The following LYPLA1 variants were observed in gnomAD, a reference collection of about 807,000 sequenced individuals.
LYPLA1 encodes the protein lysophospholipase 1, also known as acyl-protein thioesterase 1.
LYPLA1 carries 17 observed loss-of-function variants against 34.0 expected under a neutral mutation model. The observed-to-expected ratio is 0.50, with a 90% CI of 0.34 to 0.75. The LOEUF (loss-of-function observed/expected upper bound fraction) is 0.75, where lower values mean the gene tolerates loss of function less well. Ranked by LOEUF, LYPLA1 falls within the 30% of genes least tolerant of loss-of-function variation. LYPLA1 has a pLI of 0.01. For missense variants in LYPLA1, 203 were observed against 288.8 expected (o/e 0.70, Z 2.15); for synonymous variants, 98 against 100.8 (o/e 0.97, Z 0.17).
intron 2 of LYPLA1, among the ~76,000 whole-genome samples, chr8:54,086,639 G>T (rs537764885): frequency 6.6e-6 from 1 of 151,062 alleles, no homozygotes; most frequent in Admixed American, 6.6e-5. Context: ...AAAGTGGGGG[G>T]ATTGCTTGAG....
At chr8:54,058,924 G>A (rs1469820374) in intron 5 of LYPLA1, among the ~76,000 whole-genome samples, 1 of 152,118 alleles carries the variant, frequency 6.6e-6, no homozygotes, top group Admixed American at 6.6e-5. Context: ...TATGTAACCT[G>A]AGCACTGTCT....
rs192709385 is a variant in LYPLA1 at position 54,068,271 on chromosome 8, A to G, written c.102-2458T>C. On this transcript the variant is annotated intron_variant, in intron 2 of 8. Coordinates refer to ENST00000316963, the MANE Select transcript of LYPLA1 (RefSeq NM_006330.4). The stretch of plus-strand genomic sequence containing the variant: ...CCACTTTCATGGACTGGGAGATATA[A>G]TATTTTAAAGACGGCAGTACTCTCA... Among the ~76,000 whole-genome samples, 352 of 152,278 alleles carry G rather than the reference A, an allele frequency of 2.3e-3. 1 individual carries two copies. Among genetic ancestry groups the G allele is most frequent in the African/African-American group, 8.1e-3 (338 of 41,556 alleles).
intron 2 of LYPLA1, among the ~76,000 whole-genome samples, chr8:54,079,289 T>C (rs1327325218): frequency 6.6e-6 from 1 of 152,150 alleles, no homozygotes; most frequent in Non-Finnish European, 1.5e-5. Flanking sequence ...CAGTTTTCTG[T>C]CTGATAATTT....
chr8:54,053,815 T>C (rs1374354408), intron 6 of LYPLA1: 1 of 444,082 alleles, frequency 2.3e-6, no homozygotes, highest in African/African-American at 2.0e-5. Flanking sequence ...TTTCAATTTC[T>C]AGCTACTTCC....
intron 2 of LYPLA1, among the ~76,000 whole-genome samples, chr8:54,087,725 A>G (rs932412301): frequency 1.2e-4 from 18 of 152,262 alleles, no homozygotes; most frequent in African/African-American, 4.3e-4. Context: ...ATATTTCTCC[A>G]AAGAAAATAT....
chr8:54,093,761 A>G (rs1014484299), intron 2 of LYPLA1, among the ~76,000 whole-genome samples: 1 of 152,234 alleles, frequency 6.6e-6, no homozygotes, highest in Non-Finnish European at 1.5e-5. Flanking sequence ...CACTGGGAAT[A>G]CAGTATTAAT....
At chr8:54,093,150 C>A (rs1481635916) in intron 2 of LYPLA1, among the ~76,000 whole-genome samples, 1 of 152,176 alleles carries the variant, frequency 6.6e-6, no homozygotes, top group African/African-American at 2.4e-5. Context: ...TGTGTCCACA[C>A]TGAGAATTAC....
At chr8:54,092,848 AGGACCTGTGT>A (rs984248311) in intron 2 of LYPLA1, among the ~76,000 whole-genome samples, 6 of 152,160 alleles carry the variant, frequency 3.9e-5, no homozygotes, top group African/African-American at 1.4e-4. Flanking sequence ...AAACAAAATC[AGGACCTGTGT>A]GGTGGCACGC....
intron 5 of LYPLA1, among the ~76,000 whole-genome samples, chr8:54,061,329 C>T (rs1456212058): frequency 6.6e-6 from 1 of 152,222 alleles, no homozygotes; most frequent in Non-Finnish European, 1.5e-5. Context: ...GATCTGCCCA[C>T]CTCGGCTTCC....
chr8:54,057,133 A>G (rs1041517361), intron 5 of LYPLA1, among the ~76,000 whole-genome samples: 1 of 152,208 alleles, frequency 6.6e-6, no homozygotes, highest in Non-Finnish European at 1.5e-5. Flanking sequence ...TGGAGAAAAG[A>G]GAACCCTCAT....
chr8:54,091,885 T>TA (rs1809308249), intron 2 of LYPLA1, among the ~76,000 whole-genome samples: 1 of 152,092 alleles, frequency 6.6e-6, no homozygotes, highest in African/African-American at 2.4e-5. Flanking sequence ...GCCCAGGAGT[T>TA]AGACTAACCT....
At chr8:54,055,595 A>G (rs937119129) in intron 5 of LYPLA1, among the ~76,000 whole-genome samples, 9 of 152,072 alleles carry the variant, frequency 5.9e-5, no homozygotes, top group Admixed American at 2.0e-4. Flanking sequence ...TGCAATCTCT[A>G]TGAAAATACC....
chr8:54,099,004 CTTT>C (rs958364589), intron 2 of LYPLA1, among the ~76,000 whole-genome samples: 3 of 152,068 alleles, frequency 2.0e-5, no homozygotes, highest in African/African-American at 7.2e-5. Context: ...AAGAAGGATA[CTTT>C]TTTAATATAA....
At position 54,101,781 on chromosome 8, in the gene LYPLA1, G is replaced by C. The variant is rs762712226; in HGVS notation, c.43C>G (p.Pro15Ala). The C allele has an allele frequency of 7.7e-7, 1 of 1,296,976 alleles. No homozygotes were observed. Among genetic ancestry groups the C allele is most frequent in the Non-Finnish European group, 9.9e-7 (1 of 1,014,580 alleles). The allele number at this position is 1,296,976 out of a possible 1,614,324, so 80.3% of individuals were successfully genotyped here. A position where few individuals can be genotyped will look rare whatever the true frequency, so the allele number is the denominator to read the frequency against. The change falls in exon 1 of 9, where the codon CCC becomes GCC. Residue 15 changes from proline (P) to alanine (A), a missense_variant. Physicochemically the swap from Pro to Ala is conservative, Grantham distance 27. Coordinates refer to ENST00000316963, the MANE Select transcript of LYPLA1 (RefSeq NM_006330.4). ...GCAGCGGTGGCCTTCCGGGCGGCGG[G>C]CACGATGGCGGGCAGCGGGGTTGAC... Reference protein sequence around the residue: ...NMSTPLPAIVPAARKATAAVI... With the variant: ...NMSTPLPAIVAAARKATAAVI...
At chr8:54,066,861 G>A (rs538718470) in intron 2 of LYPLA1, among the ~76,000 whole-genome samples, 1 of 152,012 alleles carries the variant, frequency 6.6e-6, no homozygotes, top group African/African-American at 2.4e-5. Flanking sequence ...ATCTCTACAT[G>A]CTTACTACAC....
chr8:54,052,898 A>G, intron 6 of LYPLA1, 142 bp from the exon 7 acceptor site: 1 of 607,548 alleles, frequency 1.6e-6, no homozygotes, highest in Non-Finnish European at 3.0e-6. Context: ...TATCGGAAAT[A>G]CAAACACACC....
intron 6 of LYPLA1, among the ~76,000 whole-genome samples, chr8:54,053,900 G>A (rs1294858158): frequency 1.3e-5 from 2 of 152,140 alleles, no homozygotes; most frequent in Non-Finnish European, 2.9e-5. Context: ...CCTTGCTTGA[G>A]GTATTGAGTT....
chr8:54,068,076 A>G (rs981225842), intron 2 of LYPLA1, among the ~76,000 whole-genome samples: 6 of 152,202 alleles, frequency 3.9e-5, no homozygotes, highest in African/African-American at 1.4e-4. Flanking sequence ...TAGTAACAAC[A>G]GTATTAACTG....
intron 2 of LYPLA1, among the ~76,000 whole-genome samples, chr8:54,084,449 T>TAGTC (rs1290553587): frequency 1.3e-5 from 2 of 151,838 alleles, no homozygotes; most frequent in Admixed American, 6.6e-5. Context: ...CACGTGCCTG[T>TAGTC]AGTCCCAGCT....
Sources: gnomAD v4.1 joint callset for allele counts (sites outside exome capture counted in the v4.1 genomes callset) on GRCh38, gnomAD v4.1.1 for gene constraint, MANE v1.5 for transcripts, NCBI Gene and HGNC (gene_info 2026-07-23, HGNC 2026-07-21) for gene names.